The following DNAH12 variants were observed in gnomAD, a reference collection of about 807,000 sequenced individuals.
The protein encoded by DNAH12 is axonemal beta dynein heavy chain 12.
In DNAH12, 285 loss-of-function variants were observed where a neutral mutation model predicts 371.5. The observed-to-expected ratio is 0.77, with a 90% CI of 0.70 to 0.85. The LOEUF is 0.85. Among genes scored for constraint, DNAH12 ranks in the 40% least tolerant of loss-of-function variants. The pLI is 0.00. For synonymous variants in DNAH12, 1,200 were observed against 1,213.0 expected, an observed-to-expected ratio of 0.99 and a Z score of 0.22; for missense variants, 3,611 against 3,689.4, an observed-to-expected ratio of 0.98 and a Z score of 0.55.
intron 62 of DNAH12, among the ~76,000 whole-genome samples, chr3:57,332,016 C>G (rs551885935): frequency 6.6e-6 from 1 of 152,122 alleles, no homozygotes; most frequent in African/African-American, 2.4e-5. Context: ...AATTTCCCCC[C>G]ACCCTGCTCC....
At chr3:57,325,194 T>C (rs1341853944) in intron 62 of DNAH12, among the ~76,000 whole-genome samples, 1 of 152,234 alleles carries the variant, frequency 6.6e-6, no homozygotes, top group Non-Finnish European at 1.5e-5. Flanking sequence ...TAAATGTCCC[T>C]GTCTGACAGC....
At chr3:57,348,114 A>C (rs1553658766) in intron 60 of DNAH12, among the ~76,000 whole-genome samples, 1 of 152,202 alleles carries the variant, frequency 6.6e-6, no homozygotes. Context: ...AGAAGCAACT[A>C]AGATGTCCAT....
chr3:57,503,902 A>C lies in DNAH12; in HGVS notation c.1086+114T>G, dbSNP rs1186623406. On this transcript the variant is annotated intron_variant, in intron 9 of 73. Coordinates refer to ENST00000495027, the MANE Select transcript of DNAH12 (RefSeq NM_001366028.2). ...GAGAAAGCAATTTCTAATTTGAAATAATTGGGGGAGGAAAATAACAGAAAG... is the reference window on the plus strand; with the variant it reads ...GAGAAAGCAATTTCTAATTTGAAATCATTGGGGGAGGAAAATAACAGAAAG... 3.5e-6 allele frequency: 3 copies of C among 857,984 alleles called. No homozygotes were observed. The Admixed American group carries it at 9.6e-5, about 28-fold the overall frequency. 53.1% of individuals were successfully genotyped at this position (857,984 alleles called of 1,614,324 possible). A position where few individuals can be genotyped will look rare whatever the true frequency, so the allele number is the denominator to read the frequency against.
At chr3:57,540,838 G>A (rs1335258679) in intron 2 of DNAH12, among the ~76,000 whole-genome samples, 1 of 151,946 alleles carries the variant, frequency 6.6e-6, no homozygotes, top group African/African-American at 2.4e-5. Flanking sequence ...GCTAAGATGG[G>A]AGGATCACGA....
Position 57,348,199 on chromosome 3 carries a change from C to A in DNAH12, c.9674+3886G>T, listed in dbSNP as rs1013987728. The stretch of plus-strand genomic sequence containing the variant: ...TCAGCACTAAAAAGAAATAAGCTAG[C>A]AAGCCATGAAAAGACAAAGAGGAAC... On this transcript the variant is annotated intron_variant, in intron 60 of 73. Coordinates refer to ENST00000495027, the MANE Select transcript of DNAH12 (RefSeq NM_001366028.2). Among the ~76,000 whole-genome samples the A allele has an allele frequency of 4.6e-5, 7 of 152,196 alleles. No individual in the cohort carries two copies. The South Asian group carries it at 1.4e-3, about 32-fold the overall frequency.
intron 17 of DNAH12, among the ~76,000 whole-genome samples, chr3:57,466,208 GTATGCTACACTTCA>G (rs2066198232): frequency 6.6e-6 from 1 of 152,020 alleles, no homozygotes. Flanking sequence ...AATATACATT[GTATGCTACACTTCA>G]TGTAAAAAGA....
chr3:57,339,035 A>G (rs2153311991), intron 60 of DNAH12, among the ~76,000 whole-genome samples: 1 of 152,340 alleles, frequency 6.6e-6, no homozygotes, highest in South Asian at 2.1e-4. Flanking sequence ...TGTACTAAGA[A>G]AAATTCTTCT....
At chr3:57,540,158 C>T (rs1293287114) in intron 2 of DNAH12, among the ~76,000 whole-genome samples, 1 of 152,016 alleles carries the variant, frequency 6.6e-6, no homozygotes, top group Non-Finnish European at 1.5e-5. Flanking sequence ...TCAAGCTATT[C>T]TCATGTCTCA....
chr3:57,368,807 G>C (rs1014548287), intron 55 of DNAH12, among the ~76,000 whole-genome samples: 1 of 152,106 alleles, frequency 6.6e-6, no homozygotes, highest in Non-Finnish European at 1.5e-5. Flanking sequence ...ATGATTCATG[G>C]TTCAGATGTG....
At chr3:57,471,200 A>G (rs963210951) in intron 15 of DNAH12, among the ~76,000 whole-genome samples, 1 of 151,956 alleles carries the variant, frequency 6.6e-6, no homozygotes, top group African/African-American at 2.4e-5. Flanking sequence ...AGAAAATACA[A>G]AAAATTAGCC....
chr3:57,321,948 T>A (rs148884236), intron 65 of DNAH12, among the ~76,000 whole-genome samples: 12 of 152,236 alleles, frequency 7.9e-5, no homozygotes, highest in African/African-American at 2.6e-4. Context: ...AAAGGCAGAT[T>A]TCTTTGTCTG....
chr3:57,420,216 C>A (rs1319037244), intron 36 of DNAH12, among the ~76,000 whole-genome samples: 1 of 152,132 alleles, frequency 6.6e-6, no homozygotes, highest in Non-Finnish European at 1.5e-5. Context: ...TCTTCTTCTG[C>A]AGGTTGTTTT....
intron 69 of DNAH12, among the ~76,000 whole-genome samples, chr3:57,302,671 G>T (rs1401162185): frequency 7.3e-6 from 1 of 137,826 alleles, no homozygotes; most frequent in Non-Finnish European, 1.5e-5. Context: ...CCCCTCCCAG[G>T]TTCAAGCAAT....
At chr3:57,345,591 A>G (rs2062521395) in intron 60 of DNAH12, among the ~76,000 whole-genome samples, 1 of 152,178 alleles carries the variant, frequency 6.6e-6, no homozygotes, top group Admixed American at 6.5e-5. Flanking sequence ...TGTAACACTT[A>G]AGCTCATGTC....
Position 57,323,562 on chromosome 3 carries a change from G to A in DNAH12, c.10036C>T (p.Pro3346Ser), listed in dbSNP as rs781455624. The stretch of plus-strand genomic sequence containing the variant: ...CTCTTTGTCAAATCAAATGGTGGAG[G>A]CTCTACAAACTTTTTCCCTAGTTTG... ...TDKLGKKFVE[P>S]PPFDLTKSYL... Residue 3346 changes from proline to serine, a missense_variant, in exon 63 of 74, where the codon CCT becomes TCT. By Grantham distance (74) the Pro-to-Ser change is moderately conservative (BLOSUM62 -1). Around this residue, in one of 3 missense-constraint regions of DNAH12, gnomAD observed 2,266 missense variants for 2,236.9 expected, o/e 1.01. Coordinates refer to ENST00000495027, the MANE Select transcript of DNAH12 (RefSeq NM_001366028.2). 1.3e-6 allele frequency: 2 copies of A among 1,550,266 alleles called. No individual in the cohort carries two copies. Among genetic ancestry groups the A allele is most frequent in the African/African-American group, 1.4e-5 (1 of 72,954 alleles).
Position 57,322,423 on chromosome 3 carries a change from G to T in DNAH12, c.10444C>A (p.Arg3482=). 6.4e-7 allele frequency: 1 copy of T among 1,552,170 alleles called. No individual in the cohort carries two copies. Among genetic ancestry groups the T allele is most frequent in the Non-Finnish European group, 8.7e-7 (1 of 1,147,096 alleles). The change falls in exon 65 of 74, where the codon CGG becomes AGG. Residue 3482 remains arginine, a synonymous_variant. Transcript: ENST00000495027. ...KMTNEPPTGL[R]LNLLQSYLTD... ...AGATATGATTGAAGGAGATTCAGCC[G>T]AAGACCCGTGGGAGGTTCATTAGTC... is the stretch of plus-strand genomic sequence containing the variant.
intron 59 of DNAH12, among the ~76,000 whole-genome samples, chr3:57,354,366 T>A (rs1187523297): frequency 6.6e-6 from 1 of 151,906 alleles, no homozygotes; most frequent in African/African-American, 2.4e-5. Context: ...AGGAGGACGG[T>A]GAGGTTCAAA....
intron 11 of DNAH12, among the ~76,000 whole-genome samples, chr3:57,500,330 T>G (rs2067496774): frequency 6.6e-6 from 1 of 152,168 alleles, no homozygotes; most frequent in Non-Finnish European, 1.5e-5. Context: ...TGTGAGCCAC[T>G]GCACCCAGCC....
chr3:57,473,780 A>G (rs1395413407), intron 13 of DNAH12, among the ~76,000 whole-genome samples: 1 of 151,518 alleles, frequency 6.6e-6, no homozygotes, highest in Non-Finnish European at 1.5e-5. Context: ...TCTATATATT[A>G]TGTATATACA....
Sources: allele counts gnomAD v4.1 joint callset (sites outside exome capture counted in the v4.1 genomes callset), GRCh38; gene constraint gnomAD v4.1.1; regional missense constraint gnomAD v4.1.1; transcripts MANE v1.5; gene names NCBI Gene and HGNC (gene_info 2026-07-23, HGNC 2026-07-21).